The following ZNF436 variants were observed in gnomAD, a reference collection of about 807,000 sequenced individuals.
The protein encoded by ZNF436 is DNA-binding protein.
A neutral mutation model predicts 41.9 loss-of-function variants in ZNF436; 22 were observed. That is an observed-to-expected ratio of 0.53 (90% CI 0.38 to 0.75). The LOEUF (loss-of-function observed/expected upper bound fraction) is 0.75, where lower values mean the gene tolerates loss of function less well. ZNF436 is among the 30% of genes least tolerant of loss of function. The pLI, the probability that ZNF436 is intolerant of heterozygous loss-of-function variation, is 0.00. For missense variants in ZNF436, 506 were observed against 587.3 expected, an observed-to-expected ratio of 0.86 and a Z score of 1.43; for synonymous variants, 217 against 197.8, an observed-to-expected ratio of 1.10 and a Z score of -0.82.
Position 23,362,923 on chromosome 1 carries a change from A to G in ZNF436, c.459T>C (p.Leu153=), listed in dbSNP as rs1431420375. The change falls in exon 4 of 4, where the codon CTT becomes CTC. Residue 153 remains leucine (L), a synonymous_variant. Transcript: ENST00000314011. The stretch of plus-strand genomic sequence containing the variant: ...CAGTGTGGGTCTTCTGATGTCGATT[A>G]AGGTCTGAGATCTGACTGAAGGCCT... ...CGKAFSQISD[L]NRHQKTHTGD... is the part of the protein sequence containing the mutation. 1.2e-6 allele frequency: 2 copies of G among 1,614,070 alleles called. No individual in the cohort carries two copies. Among genetic ancestry groups the G allele is most frequent in the Non-Finnish European group, 1.7e-6 (2 of 1,180,040 alleles).
intron 2 of ZNF436, 34 bp from the exon 3 acceptor site, chr1:23,367,202 AT>A: frequency 6.5e-7 from 1 of 1,549,428 alleles, no homozygotes; most frequent in Non-Finnish European, 8.7e-7. Flanking sequence ...ACTATTCTGT[AT>A]TTAGGACTTC....
At chr1:23,365,161 A>C (rs2148529855) in intron 3 of ZNF436, among the ~76,000 whole-genome samples, 1 of 152,028 alleles carries the variant, frequency 6.6e-6, no homozygotes, top group South Asian at 2.1e-4. Context: ...TGGGAGGCCG[A>C]GGTGGGCAGA....
Position 23,363,173 on chromosome 1 carries a change from C to T in ZNF436, c.209G>A (p.Ser70Asn). The part of the protein sequence containing the change: ...ENEVNPKQEI[S>N]EDVQFGTTSE... ...TGTAGTCCCAAATTGTACATCTTCA[C>T]TAATCTCTTGCTTGGGATTTACCTC... The change falls in exon 4 of 4, where the codon AGT becomes AAT. Residue 70 changes from serine (S) to asparagine (N), a missense_variant. Physicochemically the swap from Ser to Asn is conservative, Grantham distance 46. This residue lies in a region of ZNF436 where 228 missense variants were observed against 215.1 expected (regional missense o/e 1.06). Transcript: ENST00000314011. 4 of 1,613,970 alleles carry T rather than the reference C, an allele frequency of 2.5e-6. No homozygotes were observed. The highest frequency in any genetic ancestry group is 3.4e-6 in the Non-Finnish European group (4 of 1,180,006).
rs530628077 is a variant in ZNF436, at chr1:23,368,228, A to T, written c.-60-163T>A. 30 of 580,906 alleles carry T rather than the reference A, an allele frequency of 5.2e-5. No individual in the cohort carries two copies. The East Asian group carries it at 7.9e-4, about 15-fold the overall frequency. The allele number at this position is 580,906 out of a possible 1,614,324, so 36.0% of individuals were successfully genotyped here. A position where few individuals can be genotyped will look rare whatever the true frequency, so the allele number is the denominator to read the frequency against. On this transcript the variant is annotated intron_variant, in intron 1 of 3. Transcript: ENST00000314011. Reference sequence around the variant, plus strand: ...GCGACCCGCCCTCTGCGTCTCCGCCACAGCGGGGTGGAGGCAATGCCGGAA... The same window carrying T: ...GCGACCCGCCCTCTGCGTCTCCGCCTCAGCGGGGTGGAGGCAATGCCGGAA...
At chr1:23,368,174 C>T (rs971871845) in intron 1 of ZNF436, 109 bp from the exon 2 acceptor site, 1 of 690,540 alleles carries the variant, frequency 1.4e-6, no homozygotes, top group African/African-American at 1.8e-5. Context: ...GGACCAGGGC[C>T]GGGTCACTCT....
At position 23,367,121 on chromosome 1, in the gene ZNF436, T is replaced by C; in HGVS notation, c.81A>G (p.Glu27=). Reference sequence around the variant, plus strand: ...TCTGTGCAGCGTCCAGAGGTCTCCATTCTTCCCGGGTGAGATACATGGCCA... The same window carrying C: ...TCTGTGCAGCGTCCAGAGGTCTCCACTCTTCCCGGGTGAGATACATGGCCA... The part of the protein sequence containing the change: ...EDMAMYLTRE[E]WRPLDAAQRD... Residue 27 remains glutamate, a synonymous_variant, in exon 3 of 4, where the codon GAA becomes GAG. Transcript: ENST00000314011. The C allele has an allele frequency of 6.2e-7, 1 of 1,613,622 alleles. No homozygotes were observed. Among genetic ancestry groups the C allele is most frequent in the Non-Finnish European group, 8.5e-7 (1 of 1,179,730 alleles).
chr1:23,369,036 G>A (rs987484628), intron 1 of ZNF436: 1 of 231,366 alleles, frequency 4.3e-6, no homozygotes, highest in Non-Finnish European at 9.1e-6. Context: ...CCCTGTAGGG[G>A]CGTGCGACTG....
chr1:23,362,569 G>C lies in ZNF436; in HGVS notation c.813C>G (p.Thr271=). 1 of 1,610,014 alleles carries C rather than the reference G, an allele frequency of 6.2e-7. No individual in the cohort carries two copies. Among genetic ancestry groups the C allele is most frequent in the Non-Finnish European group, 8.5e-7 (1 of 1,178,764 alleles). The change falls in exon 4 of 4, where the codon ACC becomes ACG. Residue 271 remains threonine (T), a synonymous_variant. Coordinates refer to ENST00000314011, the MANE Select transcript of ZNF436 (RefSeq NM_001077195.2). ...ATTCATAAGGTTTCTCACCCGTGTG[G>C]GTCCTCTGGTGCTGAGCTAGGTGAG... The part of the protein sequence containing the change: ...RSSHLAQHQR[T]HTGEKPYECN...
chr1:23,361,972 G>A lies in ZNF436; in HGVS notation c.1410C>T (p.Asp470=). ...ALIKHKRVHT[D] ...TCTCAGCCATCATAATTACAGCTTA[G>A]TCCGTATGAACTCTCTTATGTTTAA... The change falls in exon 4 of 4, where the codon GAC becomes GAT. Residue 470 remains aspartate, a synonymous_variant. Transcript: ENST00000314011. 6.3e-7 allele frequency: 1 copy of A among 1,582,494 alleles called. No homozygotes were observed. The highest frequency in any genetic ancestry group is 8.6e-7 in the Non-Finnish European group (1 of 1,164,998).
At chr1:23,363,426 C>T (rs1253110164) in intron 3 of ZNF436, among the ~76,000 whole-genome samples, 8 of 152,002 alleles carry the variant, frequency 5.3e-5, no homozygotes, top group Admixed American at 3.3e-4. Context: ...GTAGCTGGGA[C>T]TACAGGTGCA....
chr1:23,369,662 A>G lies in ZNF436; in HGVS notation c.-357T>C, dbSNP rs1638459790. On this transcript the variant is annotated 5_prime_UTR_variant, in exon 1 of 4. Coordinates refer to ENST00000314011, the MANE Select transcript of ZNF436 (RefSeq NM_001077195.2). Reference sequence around the variant, plus strand: ...CCTGAGACCACAGAGGCTGGCCGAGAAACCACCAGCAACTAAGCTGCATTC... The same window carrying G: ...CCTGAGACCACAGAGGCTGGCCGAGGAACCACCAGCAACTAAGCTGCATTC... 1 of 476,774 alleles carries G rather than the reference A, an allele frequency of 2.1e-6. No homozygotes were observed. The highest frequency in any genetic ancestry group is 4.4e-6 in the Non-Finnish European group (1 of 225,680). The allele number at this position is 476,774 out of a possible 1,614,324, so 29.5% of individuals were successfully genotyped here. A position where few individuals can be genotyped will look rare whatever the true frequency, so the allele number is the denominator to read the frequency against.
In ZNF436 at chr1:23,362,345, A is replaced by G; in HGVS notation, c.1037T>C (p.Ile346Thr). Residue 346 changes from isoleucine to threonine, a missense_variant, in exon 4 of 4, where the codon ATC (isoleucine) becomes ACC (threonine). Around this residue, in one of 2 missense-constraint regions of ZNF436, gnomAD observed 278 missense variants for 372.1 expected, o/e 0.75. Transcript: ENST00000314011. Reference sequence around the variant, plus strand: ...TCTCTGGTGCTGAACCAAGTGTGAGATGCGGCTGAAATTTTCCCCACATTC... The same window carrying G: ...TCTCTGGTGCTGAACCAAGTGTGAGGTGCGGCTGAAATTTTCCCCACATTC... ...CNECGENFSR[I>T]SHLVQHQRTH... The G allele has an allele frequency of 6.2e-7, 1 of 1,612,182 alleles. No homozygotes were observed. Among genetic ancestry groups the G allele is most frequent in the Non-Finnish European group, 8.5e-7 (1 of 1,179,552 alleles).
Position 23,361,032 on chromosome 1 carries a change from G to A in ZNF436, c.*937C>T, listed in dbSNP as rs1028477537. ...AATCTTAGAGTTAGCAGGATAGGAA[G>A]AGTTGATCTTAAAGATTAGAAGGGA... is the stretch of plus-strand genomic sequence containing the variant. On this transcript the variant is annotated 3_prime_UTR_variant, in exon 4 of 4. Transcript: ENST00000314011. 1 of 152,412 alleles carries A rather than the reference G, an allele frequency of 6.6e-6. No individual in the cohort carries two copies. The highest frequency in any genetic ancestry group is 2.4e-5 in the African/African-American group (1 of 41,458). 9.4% of individuals were successfully genotyped at this position (152,412 alleles called of 1,614,324 possible). A position where few individuals can be genotyped will look rare whatever the true frequency, so the allele number is the denominator to read the frequency against.
rs776503061 is a variant in ZNF436, at chr1:23,369,536, T to TG, written c.-232dup. The TG allele has an allele frequency of 3.7e-6, 2 of 533,362 alleles. No individual in the cohort carries two copies. The allele number at this position is 533,362 out of a possible 1,614,324, so 33.0% of individuals were successfully genotyped here. A position where few individuals can be genotyped will look rare whatever the true frequency, so the allele number is the denominator to read the frequency against. On this transcript the variant is annotated 5_prime_UTR_variant, in exon 1 of 4. An upstream open reading frame in the 5' UTR loses its in-frame stop. Transcript: ENST00000314011. ...CAGGTAGATCTCGAATTCGTAGACT[T>TG]GCAGGCGAAGCCCAGATATCGTAGG...
chr1:23,364,275 T>TTGCCCAGGCCGGAGTGC (rs1638308884), intron 3 of ZNF436, among the ~76,000 whole-genome samples: 1 of 152,186 alleles, frequency 6.6e-6, no homozygotes, highest in Non-Finnish European at 1.5e-5. Context: ...TTCACTCTTG[T>TTGCCCAGGCCGGAGTGC]TGCCCAGGCC....
intron 3 of ZNF436, 29 bp from the exon 4 acceptor site, chr1:23,363,250 G>T: frequency 6.3e-7 from 1 of 1,578,130 alleles, no homozygotes. Flanking sequence ...AATAAGACTA[G>T]TAAGTACAAA....
chr1:23,365,255 G>A (rs1196675733), intron 3 of ZNF436, among the ~76,000 whole-genome samples: 10 of 151,488 alleles, frequency 6.6e-5, no homozygotes, highest in Admixed American at 1.3e-4. Context: ...AACTAGCCGA[G>A]TGTGGTGGCG....
In ZNF436 at chr1:23,369,646, A is replaced by C. The variant is rs1185965406; in HGVS notation, c.-341T>G. ...GGCTCATAGGCAGATCCCTGAGACCACAGAGGCTGGCCGAGAAACCACCAG... is the reference window on the plus strand; with the variant it reads ...GGCTCATAGGCAGATCCCTGAGACCCCAGAGGCTGGCCGAGAAACCACCAG... On this transcript the variant is annotated 5_prime_UTR_variant, in exon 1 of 4. Coordinates refer to ENST00000314011, the MANE Select transcript of ZNF436 (RefSeq NM_001077195.2). 1.0e-5 allele frequency: 5 copies of C among 495,894 alleles called. 1 individual carries two copies. Among genetic ancestry groups the C allele is most frequent in the Non-Finnish European group, 2.1e-5 (5 of 234,372 alleles). 30.7% of individuals were successfully genotyped at this position (495,894 alleles called of 1,614,324 possible).
chr1:23,363,604 A>C (rs1355073824), intron 3 of ZNF436, among the ~76,000 whole-genome samples: 6 of 152,184 alleles, frequency 3.9e-5, no homozygotes, highest in African/African-American at 1.4e-4. Flanking sequence ...AATTGTGATT[A>C]TTTCTACTTC....
Sources: allele counts gnomAD v4.1 joint callset (sites outside exome capture counted in the v4.1 genomes callset), GRCh38; gene constraint gnomAD v4.1.1; regional missense constraint gnomAD v4.1.1; transcripts MANE v1.5; gene names NCBI Gene and HGNC (gene_info 2026-07-23, HGNC 2026-07-21).